Variants in MIPOL1 observed in about 807,000 individuals in gnomAD.
MIPOL1 encodes mirror-image polydactyly gene 1 protein.
A neutral mutation model predicts 60.9 loss-of-function variants in MIPOL1; 57 were observed. The ratio of observed to expected loss-of-function variants is 0.94; its 90% CI spans 0.76 to 1.17. The LOEUF is 1.17. Ranked by LOEUF, MIPOL1 falls within the 50% of genes most tolerant of loss-of-function variation. The pLI is 0.00. For missense variants in MIPOL1, 551 were observed against 511.6 expected (o/e 1.08, Z -0.74); for synonymous variants, 179 against 168.8 (o/e 1.06, Z -0.47).
chr14:37,515,141 A>C (rs770943445), intron 12 of MIPOL1, among the ~76,000 whole-genome samples: 1 of 152,174 alleles, frequency 6.6e-6, no homozygotes, highest in Non-Finnish European at 1.5e-5. Flanking sequence ...GATTAACTTT[A>C]TTCTTGATCA....
intron 12 of MIPOL1, among the ~76,000 whole-genome samples, chr14:37,515,330 G>T (rs1594824646): frequency 6.7e-6 from 1 of 149,154 alleles, no homozygotes; most frequent in Non-Finnish European, 1.5e-5. Context: ...GACTACTTTA[G>T]CAGGTCTTTC....
At chr14:37,341,645 G>T (rs2090583112) in intron 9 of MIPOL1, among the ~76,000 whole-genome samples, 1 of 152,140 alleles carries the variant, frequency 6.6e-6, no homozygotes, top group South Asian at 2.1e-4. Context: ...GGGTCTCACT[G>T]TGTTGCCCAA....
intron 1 of MIPOL1, among the ~76,000 whole-genome samples, chr14:37,215,013 G>A (rs555374180): frequency 9.9e-5 from 15 of 152,220 alleles, no homozygotes; most frequent in African/African-American, 2.4e-4. Context: ...CAGTGGTCAT[G>A]CTCCTGGTCT....
chr14:37,504,792 C>T (rs573283878), intron 12 of MIPOL1: 34 of 152,150 alleles, frequency 2.2e-4, no homozygotes, highest in African/African-American at 8.0e-4. Context: ...GCAAAAAACC[C>T]TTCAAAAAAT....
At position 37,238,041 on chromosome 14, in the gene MIPOL1, A is replaced by T. The variant is rs375842243; in HGVS notation, c.-198-9062A>T. ...GAGTACAATAGCGCGATCATAGCTC[A>T]TTGTAACCTTGAACTCTTGGACTCA... On this transcript the variant is annotated intron_variant, in intron 1 of 12. Coordinates refer to ENST00000684589, the MANE Select transcript of MIPOL1 (RefSeq NM_001388067.1). Among the ~76,000 whole-genome samples, 8 of 152,254 alleles carry T rather than the reference A, an allele frequency of 5.3e-5. No individual in the cohort carries two copies. In the South Asian group the frequency reaches 1.7e-3, roughly 32 times the overall value.
At chr14:37,432,803 A>G (rs2094096870) in intron 11 of MIPOL1, among the ~76,000 whole-genome samples, 1 of 152,204 alleles carries the variant, frequency 6.6e-6, no homozygotes, top group South Asian at 2.1e-4. Context: ...TGGTCTGCAT[A>G]TCATTGGAAA....
At chr14:37,370,503 G>A (rs1004401338) in intron 10 of MIPOL1, among the ~76,000 whole-genome samples, 15 of 151,956 alleles carry the variant, frequency 9.9e-5, no homozygotes, top group Non-Finnish European at 1.9e-4. Context: ...TTGTTTTTTT[G>A]CTGCATATTA....
At chr14:37,236,846 C>A (rs1325957710) in intron 1 of MIPOL1, among the ~76,000 whole-genome samples, 6 of 152,100 alleles carry the variant, frequency 3.9e-5, no homozygotes, top group Admixed American at 3.9e-4. Context: ...AATGCCAAGG[C>A]CTCTTTCAGT....
At chr14:37,457,827 T>C (rs907470499) in intron 11 of MIPOL1, among the ~76,000 whole-genome samples, 15 of 152,142 alleles carry the variant, frequency 9.9e-5, no homozygotes, top group Admixed American at 5.2e-4. Context: ...TCACCTGTAG[T>C]ATCACACCAC....
intron 9 of MIPOL1, among the ~76,000 whole-genome samples, chr14:37,308,919 C>T (rs1239171962): frequency 6.6e-6 from 1 of 151,904 alleles, no homozygotes; most frequent in Non-Finnish European, 1.5e-5. Flanking sequence ...TTTTAGTAAA[C>T]CTTGATTAAT....
At chr14:37,229,591 A>G (rs1453070268) in intron 1 of MIPOL1, among the ~76,000 whole-genome samples, 1 of 152,216 alleles carries the variant, frequency 6.6e-6, no homozygotes, top group Non-Finnish European at 1.5e-5. Context: ...ATGAAGAGAT[A>G]TATACTTAAA....
chr14:37,422,682 G>A (rs2093894391), intron 10 of MIPOL1, among the ~76,000 whole-genome samples, 173 bp from the exon 11 acceptor site: 1 of 151,554 alleles, frequency 6.6e-6, no homozygotes, highest in South Asian at 2.1e-4. Flanking sequence ...TTTAGTGTTT[G>A]TATTATTAAT....
chr14:37,410,172 A>G (rs929969438), intron 10 of MIPOL1, among the ~76,000 whole-genome samples: 1 of 152,184 alleles, frequency 6.6e-6, no homozygotes, highest in Non-Finnish European at 1.5e-5. Context: ...ATGAGCAACA[A>G]TTAGACTTGA....
At chr14:37,451,509 C>G (rs1441636039) in intron 11 of MIPOL1, among the ~76,000 whole-genome samples, 1 of 152,066 alleles carries the variant, frequency 6.6e-6, no homozygotes, top group East Asian at 1.9e-4. Flanking sequence ...CATTCACATG[C>G]CATTTCGGGT....
rs1375872231 is a variant in MIPOL1, at chr14:37,548,475, T to G, written c.*1504T>G. On this transcript the variant is annotated 3_prime_UTR_variant, in exon 13 of 13. Coordinates refer to ENST00000684589, the MANE Select transcript of MIPOL1 (RefSeq NM_001388067.1). ...TTAAAAATAAACTGATTTAATTTGC[T>G]CTATAGTCCTAAAGAGAATTATATC... The G allele has an allele frequency of 1.3e-5, 2 of 152,062 alleles. No homozygotes were observed. The highest frequency in any genetic ancestry group is 3.8e-4 in the East Asian group (2 of 5,206). The allele number at this position is 152,062 out of a possible 1,614,324, so 9.4% of individuals were successfully genotyped here.
Position 37,403,811 on chromosome 14 carries a change from CT to C in MIPOL1, c.937-19042del, listed in dbSNP as rs1411573897. 5.3e-5 allele frequency among the ~76,000 whole-genome samples: 8 copies of C among 152,232 alleles called. No homozygotes were observed. The East Asian group carries it at 1.5e-3, about 29-fold the overall frequency. ...TATTTAATGCTGGAAGAACAAGCTGCTTGTGATGACCCAACAGGGACATGAG... is the reference window on the plus strand; with the variant it reads ...TATTTAATGCTGGAAGAACAAGCTGCTGTGATGACCCAACAGGGACATGAG... On this transcript the variant is annotated intron_variant, in intron 10 of 12. Coordinates refer to ENST00000684589, the MANE Select transcript of MIPOL1 (RefSeq NM_001388067.1).
chr14:37,357,046 G>T (rs2091896683), intron 9 of MIPOL1, among the ~76,000 whole-genome samples: 1 of 152,108 alleles, frequency 6.6e-6, no homozygotes, highest in African/African-American at 2.4e-5. Context: ...ATTGGCTATT[G>T]TGAACAGTGC....
At chr14:37,278,757 C>G (rs538620748) in intron 6 of MIPOL1, 1 of 151,888 alleles carries the variant, frequency 6.6e-6, no homozygotes, top group South Asian at 2.1e-4. Context: ...TACTGTCTCA[C>G]TCGTACTGTA....
chr14:37,248,479 GAC>G (rs1973542679), intron 3 of MIPOL1, among the ~76,000 whole-genome samples: 1 of 151,954 alleles, frequency 6.6e-6, no homozygotes, highest in South Asian at 2.1e-4. Flanking sequence ...AAAAAAAAGA[GAC>G]ACATTGAGAG....
Sources: allele counts gnomAD v4.1 joint callset (sites outside exome capture counted in the v4.1 genomes callset), GRCh38; gene constraint gnomAD v4.1.1; transcripts MANE v1.5; gene names NCBI Gene and HGNC (gene_info 2026-07-23, HGNC 2026-07-21).